Variants in EXT2 observed in about 807,000 individuals in gnomAD.
EXT2 encodes exostosin-2.
EXT2 carries 53 observed loss-of-function variants against 81.6 expected under a neutral mutation model. That is an observed-to-expected ratio of 0.65 (90% CI 0.52 to 0.82). EXT2 has a LOEUF of 0.82. Among genes scored for constraint, EXT2 ranks in the 40% least tolerant of loss-of-function variants. EXT2 has a pLI of 0.00. For missense variants in EXT2, 774 were observed against 910.2 expected (o/e 0.85, Z 1.93); for synonymous variants, 320 against 340.0 (o/e 0.94, Z 0.65).
chr11:44,124,897 T>C lies in EXT2; in HGVS notation c.852T>C (p.Asp284=). Reference sequence around the variant, plus strand: ...ATGGAGAGTCAGTGTTAGTACTCGATAAATGCACCAACCTCTCAGAGGGTG... The same window carrying C: ...ATGGAGAGTCAGTGTTAGTACTCGACAAATGCACCAACCTCTCAGAGGGTG... ...VKHGESVLVL[D]KCTNLSEGVL... Residue 284 remains aspartate (D), a synonymous_variant, in exon 5 of 14, where the codon GAT becomes GAC. Transcript: ENST00000533608. The C allele has an allele frequency of 6.2e-7, 1 of 1,614,118 alleles. No homozygotes were observed. The highest frequency in any genetic ancestry group is 8.5e-7 in the Non-Finnish European group (1 of 1,180,014).
chr11:44,143,716 C>T (rs1402200320), intron 7 of EXT2, among the ~76,000 whole-genome samples: 1 of 151,786 alleles, frequency 6.6e-6, no homozygotes, highest in Non-Finnish European at 1.5e-5. Flanking sequence ...TCAGGTGCAG[C>T]AGTGATAGAT....
At chr11:44,176,442 T>A (rs749684545) in intron 8 of EXT2, among the ~76,000 whole-genome samples, 6 of 152,106 alleles carry the variant, frequency 3.9e-5, no homozygotes, top group Non-Finnish European at 7.3e-5. Context: ...TAAATCAAGG[T>A]ATATAACTGG....
At chr11:44,151,139 C>T (rs1462955560) in intron 7 of EXT2, among the ~76,000 whole-genome samples, 1 of 152,106 alleles carries the variant, frequency 6.6e-6, no homozygotes, top group East Asian at 1.9e-4. Flanking sequence ...CAAAGAGTTC[C>T]CATATATCCC....
intron 8 of EXT2, among the ~76,000 whole-genome samples, chr11:44,176,494 T>C (rs1347793556): frequency 6.6e-6 from 1 of 152,192 alleles, no homozygotes; most frequent in African/African-American, 2.4e-5. Flanking sequence ...TCTTAAATAA[T>C]CCTTTTTAGG....
rs1956075436 is a variant in EXT2, at chr11:44,244,524, C to T, written c.*237C>T. On this transcript the variant is annotated 3_prime_UTR_variant, in exon 14 of 14. Transcript: ENST00000533608. ...CTTATGATCTCTGATGGGTTCTTCT[C>T]GAAAATGCCAAGTGGAAGACTTTGT... 1.9e-6 allele frequency: 1 copy of T among 523,996 alleles called. No individual in the cohort carries two copies. Among genetic ancestry groups the T allele is most frequent in the East Asian group, 3.2e-5 (1 of 31,088 alleles). The allele number at this position is 523,996 out of a possible 1,614,324, so 32.5% of individuals were successfully genotyped here.
rs529597210 is a variant in EXT2 at position 44,183,746 on chromosome 11, AT to A, written c.1305+12007del. On this transcript the variant is annotated intron_variant, in intron 8 of 13. Transcript: ENST00000533608. Reference sequence around the variant, plus strand: ...TTTTTACCCATTCATCATGATTTAAATTTCAGTGGTTATTTGTAGAAGTTCT... The same window carrying A: ...TTTTTACCCATTCATCATGATTTAAATTCAGTGGTTATTTGTAGAAGTTCT... Among the ~76,000 whole-genome samples, 603 of 151,982 alleles carry A rather than the reference AT, an allele frequency of 4.0e-3. 2 individuals are homozygous for A. Among genetic ancestry groups the A allele is most frequent in the Non-Finnish European group, 6.2e-3 (424 of 67,986 alleles).
At chr11:44,144,661 G>A (rs959809650) in intron 7 of EXT2, among the ~76,000 whole-genome samples, 8 of 152,114 alleles carry the variant, frequency 5.3e-5, no homozygotes, top group African/African-American at 1.9e-4. Context: ...TTGAAACCTA[G>A]GGCTTTCTAT....
chr11:44,161,311 CA>C (rs1175750126), intron 7 of EXT2, among the ~76,000 whole-genome samples: 14 of 152,048 alleles, frequency 9.2e-5, no homozygotes, highest in Admixed American at 2.0e-4. Flanking sequence ...AAGATTTTGA[CA>C]GAATGCCATA....
chr11:44,174,384 T>C (rs1178245565), intron 8 of EXT2, among the ~76,000 whole-genome samples: 2 of 151,998 alleles, frequency 1.3e-5, no homozygotes, highest in Non-Finnish European at 2.9e-5. Flanking sequence ...AGAAGAAAGA[T>C]TTGTCTTTCT....
At chr11:44,148,685 A>G (rs1954753362) in intron 7 of EXT2, among the ~76,000 whole-genome samples, 1 of 152,190 alleles carries the variant, frequency 6.6e-6, no homozygotes, top group Non-Finnish European at 1.5e-5. Flanking sequence ...ATCAACAGAT[A>G]TTTATTGAGC....
intron 3 of EXT2, among the ~76,000 whole-genome samples, chr11:44,113,051 A>G (rs1394056402): frequency 6.6e-6 from 1 of 152,214 alleles, no homozygotes; most frequent in Non-Finnish European, 1.5e-5. Flanking sequence ...ATCAGGAAAA[A>G]TAAGACCGTA....
Position 44,101,954 on chromosome 11 carries a change from A to G in EXT2, c.-30-5729A>G, listed in dbSNP as rs867223047. On this transcript the variant is annotated intron_variant, in intron 1 of 13. Coordinates refer to ENST00000533608, the MANE Select transcript of EXT2 (RefSeq NM_207122.2). ...GACTTGTATAATCAGTAAAAAAAAA[A>G]AAAAAAAAAAATTAAGAGCTGGCAC... 6.8e-3 allele frequency among the ~76,000 whole-genome samples: 1,035 copies of G among 151,582 alleles called. 5 individuals carry two copies. The highest frequency in any genetic ancestry group is 0.011 in the African/African-American group (439 of 41,358).
At chr11:44,236,643 A>G (rs1955968667) in intron 13 of EXT2, among the ~76,000 whole-genome samples, 1 of 152,234 alleles carries the variant, frequency 6.6e-6, no homozygotes, top group Non-Finnish European at 1.5e-5. Context: ...CATGTGGACT[A>G]AGCAGTTAAC....
intron 1 of EXT2, chr11:44,096,219 C>T (rs1220480939): frequency 2.7e-5 from 41 of 1,533,588 alleles, no homozygotes; most frequent in Non-Finnish European, 3.4e-5. Flanking sequence ...GCCACCTTCC[C>T]GCCAGCCACA....
At chr11:44,165,809 C>T (rs1163845973) in intron 7 of EXT2, among the ~76,000 whole-genome samples, 2 of 152,122 alleles carry the variant, frequency 1.3e-5, no homozygotes, top group African/African-American at 4.8e-5. Flanking sequence ...AATTTTTACA[C>T]CTTTCAGTTT....
At chr11:44,123,912 C>T (rs1319979508) in intron 4 of EXT2, among the ~76,000 whole-genome samples, 1 of 148,500 alleles carries the variant, frequency 6.7e-6, no homozygotes, top group Non-Finnish European at 1.5e-5. Flanking sequence ...GGCACTAGAC[C>T]CTTGGAGATC....
chr11:44,103,977 T>C (rs993772670), intron 1 of EXT2, among the ~76,000 whole-genome samples: 29 of 152,220 alleles, frequency 1.9e-4, no homozygotes, highest in African/African-American at 7.0e-4. Flanking sequence ...TTCTATTTTG[T>C]TTTTTAATTA....
chr11:44,209,905 A>G (rs373471668), intron 10 of EXT2, among the ~76,000 whole-genome samples: 5 of 152,248 alleles, frequency 3.3e-5, no homozygotes, highest in East Asian at 1.9e-4. Flanking sequence ...ATTCATTGCT[A>G]TGCCCTCTGT....
rs796897168 is a variant in EXT2 at position 44,249,220 on chromosome 11, A to G, written c.*4933A>G. Among the ~76,000 whole-genome samples the G allele has an allele frequency of 6.6e-6, 1 of 151,946 alleles. No homozygotes were observed. The highest frequency in any genetic ancestry group is 2.1e-4 in the South Asian group (1 of 4,820). On this transcript the variant is annotated 3_prime_UTR_variant, in exon 14 of 14. Transcript: ENST00000533608. ...ACTATGTTGCCTAGGCTGGTCTCTA[A>G]CTCCTGGGATCAAGTGATCCTCCTG...
Sources: gnomAD v4.1 joint callset for allele counts (sites outside exome capture counted in the v4.1 genomes callset) on GRCh38, gnomAD v4.1.1 for gene constraint, MANE v1.5 for transcripts, NCBI Gene and HGNC (gene_info 2026-07-23, HGNC 2026-07-21) for gene names.